Variants in CAMKMT observed in about 807,000 individuals in gnomAD.
The protein encoded by CAMKMT is calmodulin-lysine N-methyltransferase, also known as CaM KMT.
Under a neutral mutation model 48.0 loss-of-function variants are expected in CAMKMT, and 53 were observed. The ratio of observed to expected loss-of-function variants is 1.10; its 90% CI spans 0.89 to 1.39. The LOEUF is 1.39. CAMKMT is among the 40% of genes most tolerant of loss of function. The pLI, the probability that CAMKMT is intolerant of heterozygous loss-of-function variation, is 0.00. For synonymous variants in CAMKMT, 165 were observed against 152.3 expected (o/e 1.08, Z -0.61); for missense variants, 428 against 402.7 (o/e 1.06, Z -0.54).
At chr2:44,593,204 T>C (rs747315706) in intron 3 of CAMKMT, among the ~76,000 whole-genome samples, 6 of 152,188 alleles carry the variant, frequency 3.9e-5, no homozygotes, top group Non-Finnish European at 7.3e-5. Context: ...AACTCAATGT[T>C]CAATGCATTA....
At chr2:44,538,477 C>G (rs1043379750) in intron 3 of CAMKMT, among the ~76,000 whole-genome samples, 7 of 151,690 alleles carry the variant, frequency 4.6e-5, no homozygotes, top group Non-Finnish European at 1.0e-4. Context: ...TTTGCAGCAA[C>G]TTGGATTGAG....
intron 3 of CAMKMT, among the ~76,000 whole-genome samples, chr2:44,596,890 T>C (rs1670703066): frequency 6.6e-6 from 1 of 152,174 alleles, no homozygotes; most frequent in South Asian, 2.1e-4. Flanking sequence ...CAACAGAAAA[T>C]TGAACATTTG....
chr2:44,507,970 T>C (rs1444668779), intron 3 of CAMKMT, among the ~76,000 whole-genome samples: 1 of 152,204 alleles, frequency 6.6e-6, no homozygotes, highest in Non-Finnish European at 1.5e-5. Flanking sequence ...CAGAACAGTG[T>C]TTCTCAAACT....
chr2:44,703,771 T>C (rs1324885968), intron 3 of CAMKMT, among the ~76,000 whole-genome samples: 1 of 84,098 alleles, frequency 1.2e-5, no homozygotes, highest in East Asian at 4.1e-4. Flanking sequence ...AGCAAGACTC[T>C]AAAAAAAAAA....
chr2:44,696,892 G>A (rs183399753), intron 3 of CAMKMT, among the ~76,000 whole-genome samples: 4 of 151,818 alleles, frequency 2.6e-5, no homozygotes, highest in African/African-American at 7.3e-5. Context: ...GCTTATAAAA[G>A]AAACATTCAG....
At chr2:44,703,790 A>G (rs1348421805) in intron 3 of CAMKMT, among the ~76,000 whole-genome samples, 1 of 151,792 alleles carries the variant, frequency 6.6e-6, no homozygotes, top group African/African-American at 2.4e-5. Context: ...AAAAAAAAAA[A>G]AAAAGACAGA....
At chr2:44,401,482 G>A (rs1485296136) in intron 3 of CAMKMT, among the ~76,000 whole-genome samples, 1 of 151,984 alleles carries the variant, frequency 6.6e-6, no homozygotes, top group Non-Finnish European at 1.5e-5. Context: ...TATTGAACCC[G>A]GGAGGCGGAG....
chr2:44,431,930 G>C (rs1210150142), intron 3 of CAMKMT, among the ~76,000 whole-genome samples: 1 of 152,096 alleles, frequency 6.6e-6, no homozygotes, highest in Non-Finnish European at 1.5e-5. Context: ...CTGTTAAAAA[G>C]GCTGTGCTTC....
At chr2:44,423,748 A>G (rs1384833657) in intron 3 of CAMKMT, among the ~76,000 whole-genome samples, 3 of 152,240 alleles carry the variant, frequency 2.0e-5, no homozygotes, top group Non-Finnish European at 4.4e-5. Context: ...AAAGTAAAAT[A>G]TACATACAGT....
chr2:44,453,300 A>T (rs945721534), intron 3 of CAMKMT, among the ~76,000 whole-genome samples: 1 of 152,082 alleles, frequency 6.6e-6, no homozygotes, highest in Non-Finnish European at 1.5e-5. Flanking sequence ...TGTTTGTACT[A>T]GTGAGTCATA....
chr2:44,748,357 A>G (rs1680003051), intron 8 of CAMKMT, among the ~76,000 whole-genome samples: 1 of 152,098 alleles, frequency 6.6e-6, no homozygotes, highest in Non-Finnish European at 1.5e-5. Context: ...ATAGCACTTT[A>G]TAAGGGCATG....
At chr2:44,475,752 AAG>A (rs1668656258) in intron 3 of CAMKMT, among the ~76,000 whole-genome samples, 1 of 152,202 alleles carries the variant, frequency 6.6e-6, no homozygotes, top group South Asian at 2.1e-4. Flanking sequence ...TTATTTAAAA[AAG>A]AAATCTTATG....
At chr2:44,385,002 T>A (rs534619320) in intron 2 of CAMKMT, among the ~76,000 whole-genome samples, 1 of 152,316 alleles carries the variant, frequency 6.6e-6, no homozygotes, top group African/African-American at 2.4e-5. Context: ...AATTGTTTTT[T>A]CTAATTCGGT....
chr2:44,715,513 T>C (rs947926236), intron 7 of CAMKMT, among the ~76,000 whole-genome samples, 160 bp downstream of exon 7: 2 of 152,214 alleles, frequency 1.3e-5, no homozygotes, highest in African/African-American at 2.4e-5. Context: ...TTAATGCTCA[T>C]TGGAATACTA....
At chr2:44,604,558 GTTTT>G (rs34125010) in intron 3 of CAMKMT, among the ~76,000 whole-genome samples, 4 of 143,338 alleles carry the variant, frequency 2.8e-5, no homozygotes, top group Non-Finnish European at 6.1e-5. Context: ...AGCCAATCTG[GTTTT>G]TTTTTTTTTT....
chr2:44,769,045 A>G (rs1680987955), intron 10 of CAMKMT, among the ~76,000 whole-genome samples: 1 of 151,974 alleles, frequency 6.6e-6, no homozygotes, highest in Non-Finnish European at 1.5e-5. Flanking sequence ...CGTCACTCAT[A>G]CACAGCTGCC....
intron 3 of CAMKMT, among the ~76,000 whole-genome samples, chr2:44,625,473 AT>A (rs1482727009): frequency 6.6e-6 from 1 of 151,848 alleles, no homozygotes; most frequent in Admixed American, 6.6e-5. Context: ...TTGCCTTTTT[AT>A]TTTATTAATA....
intron 3 of CAMKMT, among the ~76,000 whole-genome samples, chr2:44,634,088 A>G (rs560862891): frequency 7.9e-4 from 120 of 152,138 alleles, no homozygotes; most frequent in Non-Finnish European, 1.6e-3. Context: ...AGTAACTGGA[A>G]CATCTTACAG....
chr2:44,392,873 A>G (rs1681482765), intron 3 of CAMKMT, among the ~76,000 whole-genome samples: 2 of 152,248 alleles, frequency 1.3e-5, no homozygotes, highest in South Asian at 4.1e-4. Context: ...GTTAAAGGAC[A>G]ATTAGAATGA....
Sources: allele counts gnomAD v4.1 joint callset (sites outside exome capture counted in the v4.1 genomes callset), GRCh38; gene constraint gnomAD v4.1.1; transcripts MANE v1.5; gene names NCBI Gene and HGNC (gene_info 2026-07-23, HGNC 2026-07-21).